Variants in SYNDIG1L observed in about 807,000 individuals in gnomAD.
SYNDIG1L encodes synapse differentiation inducing 1 like, also known as synapse differentiation-inducing gene protein 1-like.
In SYNDIG1L, 13 loss-of-function variants were observed where a neutral mutation model predicts 20.1. The ratio of observed to expected loss-of-function variants is 0.65; its 90% CI spans 0.42 to 1.03. The LOEUF is 1.03. SYNDIG1L is among the 50% of genes least tolerant of loss of function. The pLI is 0.00. For missense variants in SYNDIG1L, 294 were observed against 305.1 expected, an observed-to-expected ratio of 0.96 and a Z score of 0.27; for synonymous variants, 128 against 129.3, an observed-to-expected ratio of 0.99 and a Z score of 0.07.
chr14:74,416,878 T>A (rs1341689214), intron 1 of SYNDIG1L, among the ~76,000 whole-genome samples: 2 of 152,210 alleles, frequency 1.3e-5, no homozygotes, highest in African/African-American at 4.8e-5. Context: ...TATGTCATCA[T>A]CATCTGCATT....
intron 1 of SYNDIG1L, among the ~76,000 whole-genome samples, chr14:74,411,886 C>T (rs1023938493): frequency 3.3e-5 from 5 of 152,132 alleles, no homozygotes; most frequent in Non-Finnish European, 4.4e-5. Flanking sequence ...GGGTTGTGGC[C>T]CAAGCGCCAG....
chr14:74,442,308 A>C, the SYNDIG1L span, among the ~76,000 whole-genome samples: 1 of 152,204 alleles, frequency 6.6e-6, no homozygotes, highest in Non-Finnish European at 1.5e-5. Flanking sequence ...TGCTACCGCA[A>C]ATGGCAATAT....
the SYNDIG1L span, among the ~76,000 whole-genome samples, chr14:74,440,406 G>A: frequency 4.7e-4 from 71 of 151,884 alleles, no homozygotes; most frequent in Admixed American, 1.6e-3. Context: ...CCCAGCTACC[G>A]GGGAGGCTGA....
chr14:74,423,864 ATGGTGGTGG>A (rs762514753), intron 1 of SYNDIG1L, among the ~76,000 whole-genome samples: 1 of 146,166 alleles, frequency 6.8e-6, no homozygotes, highest in Non-Finnish European at 1.5e-5. Context: ...CTCACAAGAG[ATGGTGGTGG>A]TGGTGGTGGT....
chr14:74,469,589 TC>T, the SYNDIG1L span, among the ~76,000 whole-genome samples: 4 of 152,116 alleles, frequency 2.6e-5, no homozygotes, highest in South Asian at 8.3e-4. Context: ...GCAGCAGGCA[TC>T]GCCTGAAGTT....
At chr14:74,415,691 C>A (rs2086168753) in intron 1 of SYNDIG1L, among the ~76,000 whole-genome samples, 1 of 151,928 alleles carries the variant, frequency 6.6e-6, no homozygotes, top group Non-Finnish European at 1.5e-5. Context: ...AGGCATGTAC[C>A]ACCACGCCCA....
chr14:74,428,597 A>G (rs1269996537), upstream of SYNDIG1L, among the ~76,000 whole-genome samples: 1 of 152,186 alleles, frequency 6.6e-6, no homozygotes, highest in Non-Finnish European at 1.5e-5. Flanking sequence ...AGAGTGCCAG[A>G]GAAGAAAACA....
At chr14:74,419,688 T>C (rs1251085801) in intron 1 of SYNDIG1L, among the ~76,000 whole-genome samples, 1 of 152,168 alleles carries the variant, frequency 6.6e-6, no homozygotes, top group Non-Finnish European at 1.5e-5. Flanking sequence ...TATGGGTGCA[T>C]TGATAAGGGA....
intron 1 of SYNDIG1L, among the ~76,000 whole-genome samples, chr14:74,425,485 G>A (rs2086257116): frequency 1.3e-5 from 2 of 152,224 alleles, no homozygotes; most frequent in African/African-American, 2.4e-5. Context: ...GGGTACCACA[G>A]CCACCTCAGT....
At chr14:74,419,532 T>G (rs968789046) in intron 1 of SYNDIG1L, among the ~76,000 whole-genome samples, 4 of 152,206 alleles carry the variant, frequency 2.6e-5, no homozygotes, top group African/African-American at 4.8e-5. Flanking sequence ...CAATAAACAT[T>G]TCTTGAACAA....
the SYNDIG1L span, among the ~76,000 whole-genome samples, chr14:74,435,259 A>G: frequency 6.6e-6 from 1 of 152,170 alleles, no homozygotes; most frequent in Non-Finnish European, 1.5e-5. Flanking sequence ...CCCTGCTTCA[A>G]TTCAATCAGC....
chr14:74,434,917 T>TAA, the SYNDIG1L span, among the ~76,000 whole-genome samples: 1,109 of 130,660 alleles, frequency 8.5e-3, 14 homozygotes, highest in Middle Eastern at 0.03. Context: ...CCATCTCTAC[T>TAA]AAAAAAAAAA....
chr14:74,480,105 T>G, the SYNDIG1L span: 1 of 1,549,772 alleles, frequency 6.5e-7, no homozygotes, highest in Non-Finnish European at 8.7e-7. Context: ...AGACAACCAC[T>G]GAGAACCAGC....
At chr14:74,432,404 G>A in the SYNDIG1L span, among the ~76,000 whole-genome samples, 1,433 of 152,184 alleles carry the variant, frequency 9.4e-3, 17 homozygotes, top group Non-Finnish European at 0.018. Context: ...TCTCCCTCTG[G>A]CTCCCAAGCC....
the SYNDIG1L span, among the ~76,000 whole-genome samples, chr14:74,440,899 G>A: frequency 6.6e-6 from 1 of 152,168 alleles, no homozygotes; most frequent in Non-Finnish European, 1.5e-5. Context: ...AGAGCATTTG[G>A]AGATAAGTCC....
the SYNDIG1L span, among the ~76,000 whole-genome samples, chr14:74,457,668 C>T: frequency 6.6e-6 from 1 of 151,844 alleles, no homozygotes; most frequent in Non-Finnish European, 1.5e-5. Flanking sequence ...CAGGATTATC[C>T]TATAGAAGGG....
In SYNDIG1L at chr14:74,409,450, C is replaced by T. The variant is rs372731341; in HGVS notation, c.295G>A (p.Glu99Lys). ...CCTGTGGGCTGCTCTGGAGGCCCCT[C>T]CTGGGGCTCCCTGTCCTCTGTGAAG... ...TSFTEDREPQ[E>K]GPPEQPTGPG... The change falls in exon 2 of 4, where the codon GAG (glutamate) becomes AAG (lysine). Residue 99 changes from glutamate (E) to lysine (K), a missense_variant. By Grantham distance (56) the Glu-to-Lys change is moderately conservative. Coordinates refer to ENST00000331628, the MANE Select transcript of SYNDIG1L (RefSeq NM_001105579.2). The T allele has an allele frequency of 5.8e-5, 93 of 1,613,650 alleles. No individual in the cohort carries two copies. The highest frequency in any genetic ancestry group is 3.3e-4 in the Middle Eastern group (2 of 6,080).
the SYNDIG1L span, chr14:74,474,932 A>T: frequency 6.6e-6 from 1 of 152,240 alleles, no homozygotes; most frequent in Non-Finnish European, 1.5e-5. Flanking sequence ...CTAGGCATTT[A>T]TTGAAAGATG....
the SYNDIG1L span, among the ~76,000 whole-genome samples, chr14:74,445,454 TTGTGTGTGTGTGTGTGTG>T: frequency 6.8e-6 from 1 of 147,762 alleles, no homozygotes; most frequent in Non-Finnish European, 1.5e-5. Flanking sequence ...GTATTAAAAT[TTGTGTGTGTGTGTGTGTG>T]TGTGTGTGTG....
Sources: allele counts gnomAD v4.1 joint callset (sites outside exome capture counted in the v4.1 genomes callset), GRCh38; gene constraint gnomAD v4.1.1; transcripts MANE v1.5; gene names NCBI Gene and HGNC (gene_info 2026-07-23, HGNC 2026-07-21).